CCDC102B: variants seen among roughly 807,000 people sequenced by gnomAD.
The protein encoded by CCDC102B is coiled-coil domain containing 102B.
CCDC102B carries 75 observed loss-of-function variants against 57.4 expected under a neutral mutation model. The observed-to-expected ratio is 1.31, with a 90% CI of 1.08 to 1.58. The LOEUF (loss-of-function observed/expected upper bound fraction) is 1.58. Among genes scored for constraint, CCDC102B ranks in the 40% most tolerant of loss-of-function variants. The pLI, the probability that CCDC102B is intolerant of heterozygous loss-of-function variation, is 0.00. For synonymous variants in CCDC102B, 206 were observed against 201.9 expected, an observed-to-expected ratio of 1.02 and a Z score of -0.17; for missense variants, 636 against 582.6, an observed-to-expected ratio of 1.09 and a Z score of -0.94.
intron 1 of CCDC102B, among the ~76,000 whole-genome samples, chr18:68,814,625 C>G (rs1298195764): frequency 6.6e-6 from 1 of 151,956 alleles, no homozygotes; most frequent in Non-Finnish European, 1.5e-5. Context: ...ATTTACTAAA[C>G]ATTTCTAAAG....
At position 68,733,508 on chromosome 18, in the gene CCDC102B, T is replaced by TATATATATATATATATATATATATATA. The variant is rs1568222920; in HGVS notation, c.-67+16914_-67+16915insATATATATATATATATATATATATATA. ...TATATATATATATATATATATATAT[T>TATATATATATATATATATATATATATA]TTTTTAACTTAAGCATGCTTTAAGA... is the stretch of plus-strand genomic sequence containing the variant. On this transcript the variant is annotated intron_variant, in intron 2 of 3. Coordinates refer to the CCDC102B transcript ENST00000578970. 8.2e-4 allele frequency among the ~76,000 whole-genome samples: 74 copies of TATATATATATATATATATATATATATA among 90,474 alleles called. 2 individuals are homozygous for TATATATATATATATATATATATATATA. The highest frequency in any genetic ancestry group is 1.4e-3 in the African/African-American group (28 of 19,682). 59.4% of individuals were successfully genotyped at this position (90,474 alleles called of 152,430 possible). A position where few individuals can be genotyped will look rare whatever the true frequency, so the allele number is the denominator to read the frequency against.
At chr18:68,788,607 CT>C (rs2035303971) in intron 2 of CCDC102B, among the ~76,000 whole-genome samples, 1 of 149,468 alleles carries the variant, frequency 6.7e-6, no homozygotes, top group African/African-American at 2.5e-5. Flanking sequence ...CTCTTTTCAT[CT>C]TTGTTGGTTT....
chr18:69,042,841 A>T (rs996669958), intron 7 of CCDC102B, among the ~76,000 whole-genome samples: 14 of 152,172 alleles, frequency 9.2e-5, no homozygotes, highest in Admixed American at 5.9e-4. Flanking sequence ...TGATTTGGAA[A>T]TGCTGTTCCT....
intron 7 of CCDC102B, among the ~76,000 whole-genome samples, chr18:69,052,936 A>G (rs1221981406): frequency 6.6e-6 from 1 of 151,954 alleles, no homozygotes; most frequent in Admixed American, 6.6e-5. Context: ...AATTTAAAAT[A>G]TAGAGGAGGA....
chr18:68,972,538 G>A (rs1469158075), intron 6 of CCDC102B, among the ~76,000 whole-genome samples: 1 of 152,076 alleles, frequency 6.6e-6, no homozygotes, highest in Non-Finnish European at 1.5e-5. Flanking sequence ...TCAAAACGAT[G>A]GGGAAAATGT....
chr18:69,051,973 A>G (rs1179679190), intron 7 of CCDC102B, among the ~76,000 whole-genome samples: 1 of 151,932 alleles, frequency 6.6e-6, no homozygotes, highest in Non-Finnish European at 1.5e-5. Context: ...GTTGAAGTAC[A>G]AGTCCCAACT....
intron 7 of CCDC102B, among the ~76,000 whole-genome samples, chr18:69,011,515 G>A (rs1391798523): frequency 5.9e-5 from 9 of 151,582 alleles, no homozygotes; most frequent in African/African-American, 2.2e-4. Context: ...GTGTTCAAAT[G>A]AATCTAGGTA....
intron 2 of CCDC102B, among the ~76,000 whole-genome samples, chr18:68,792,546 A>G (rs2035495751): frequency 6.6e-6 from 1 of 152,246 alleles, no homozygotes; most frequent in Non-Finnish European, 1.5e-5. Flanking sequence ...AACTATTGCC[A>G]GTGATAGCCT....
rs188906213 is a variant in CCDC102B, at chr18:68,932,573, T to A, written c.1263+35145T>A. On this transcript the variant is annotated intron_variant, in intron 6 of 7. Transcript: ENST00000360242. ...GATTAACATTCACTCCCTTTTTCCATTTTACACAAAAATCTTCTGAAAAAA... is the reference window on the plus strand; with the variant it reads ...GATTAACATTCACTCCCTTTTTCCAATTTACACAAAAATCTTCTGAAAAAA... 2.2e-4 allele frequency among the ~76,000 whole-genome samples: 34 copies of A among 152,062 alleles called. No individual in the cohort carries two copies. The East Asian group carries it at 6.2e-3, about 28-fold the overall frequency.
At chr18:68,718,664 A>G (rs1196797238) in intron 2 of CCDC102B, among the ~76,000 whole-genome samples, 1 of 152,212 alleles carries the variant, frequency 6.6e-6, no homozygotes, top group Non-Finnish European at 1.5e-5. Context: ...TAATGGATAG[A>G]TATTATAGTT....
chr18:68,846,740 A>T (rs1423809401), intron 4 of CCDC102B, among the ~76,000 whole-genome samples: 1 of 151,884 alleles, frequency 6.6e-6, no homozygotes, highest in African/African-American at 2.4e-5. Flanking sequence ...ATGGTTAATG[A>T]TGAGCTACAT....
intron 7 of CCDC102B, among the ~76,000 whole-genome samples, chr18:69,017,384 C>A (rs1167339401): frequency 6.6e-6 from 1 of 152,060 alleles, no homozygotes; most frequent in Non-Finnish European, 1.5e-5. Flanking sequence ...CTCGAGCTTC[C>A]CAAAGTGCTG....
At chr18:68,999,944 G>A (rs1268280318) in intron 6 of CCDC102B, among the ~76,000 whole-genome samples, 1 of 152,116 alleles carries the variant, frequency 6.6e-6, no homozygotes. Context: ...GCTTGAGAGT[G>A]GAGAAAAGGC....
chr18:68,880,141 G>A (rs1033459615), intron 5 of CCDC102B, among the ~76,000 whole-genome samples: 34 of 152,294 alleles, frequency 2.2e-4, no homozygotes, highest in African/African-American at 7.0e-4. Context: ...GCCCTGCCCC[G>A]CCCAAGGCAG....
At chr18:68,763,884 T>C (rs1428657403) in intron 2 of CCDC102B, among the ~76,000 whole-genome samples, 1 of 152,062 alleles carries the variant, frequency 6.6e-6, no homozygotes, top group Non-Finnish European at 1.5e-5. Flanking sequence ...AGTAGCCTTT[T>C]CCCCCATCAT....
chr18:68,782,607 A>G lies in CCDC102B; in HGVS notation c.-66-40759A>G, dbSNP rs150921943. 1.7e-3 allele frequency among the ~76,000 whole-genome samples: 260 copies of G among 152,252 alleles called. 3 individuals are homozygous for G. In the East Asian group the frequency reaches 0.041, roughly 24 times the overall value. Reference sequence around the variant, plus strand: ...TTTTTTCGATCTGGATCAGGGGTGCATTACCCTCCTACAGTTCAGAGACAC... The same window carrying G: ...TTTTTTCGATCTGGATCAGGGGTGCGTTACCCTCCTACAGTTCAGAGACAC... On this transcript the variant is annotated intron_variant, in intron 2 of 3. Coordinates refer to the CCDC102B transcript ENST00000578970.
intron 6 of CCDC102B, among the ~76,000 whole-genome samples, chr18:68,967,969 T>C (rs1226923837): frequency 6.6e-6 from 1 of 152,120 alleles, no homozygotes; most frequent in African/African-American, 2.4e-5. Flanking sequence ...TTCTGTAAAA[T>C]TTATTATTTC....
chr18:68,841,728 C>CT (rs575745167), intron 3 of CCDC102B, among the ~76,000 whole-genome samples: 9 of 151,834 alleles, frequency 5.9e-5, no homozygotes, highest in East Asian at 3.9e-4. Context: ...ATCATTTTAT[C>CT]TTTTTTTTCT....
chr18:68,810,686 T>TG lies in CCDC102B; in HGVS notation c.-16+12505_-16+12506insG, dbSNP rs1439217288. 2.4e-4 allele frequency among the ~76,000 whole-genome samples: 23 copies of TG among 97,232 alleles called. 1 individual carries two copies. The highest frequency in any genetic ancestry group is 1.3e-3 in the East Asian group (2 of 1,496). The allele number at this position is 97,232 out of a possible 152,430, so 63.8% of individuals were successfully genotyped here. A position where few individuals can be genotyped will look rare whatever the true frequency, so the allele number is the denominator to read the frequency against. ...ATTTTCTTTTCTTTTCTTTGTTTTT[T>TG]TTTTTTTTTTTTTTTTTTTTTATGC... is the stretch of plus-strand genomic sequence containing the variant. On this transcript the variant is annotated intron_variant, in intron 1 of 7. Coordinates refer to ENST00000360242, the MANE Select transcript of CCDC102B (RefSeq NM_024781.3).
Sources: gnomAD v4.1 joint callset for allele counts (sites outside exome capture counted in the v4.1 genomes callset) on GRCh38, gnomAD v4.1.1 for gene constraint, MANE v1.5 for transcripts, NCBI Gene and HGNC (gene_info 2026-07-23, HGNC 2026-07-21) for gene names.